The following MED13 variants were observed in gnomAD, a reference collection of about 807,000 sequenced individuals.
MED13 encodes the protein mediator of RNA polymerase II transcription subunit 13.
MED13 carries 23 observed loss-of-function variants against 225.2 expected under a neutral mutation model. That is an observed-to-expected ratio of 0.10 (90% CI 0.07 to 0.14). The LOEUF (loss-of-function observed/expected upper bound fraction) is 0.14. MED13 is among the 10% of genes least tolerant of loss of function. The pLI is 1.00. For synonymous variants in MED13, 942 were observed against 889.2 expected (o/e 1.06, Z -1.06); for missense variants, 2,197 against 2,594.5 (o/e 0.85, Z 3.33).
intron 3 of MED13, among the ~76,000 whole-genome samples, chr17:62,041,706 T>C (rs1246101682): frequency 6.6e-6 from 1 of 152,100 alleles, no homozygotes; most frequent in African/African-American, 2.4e-5. Context: ...CCAACGAAGT[T>C]AGGTGGGACT....
chr17:62,021,338 C>A (rs2080643103), intron 8 of MED13, among the ~76,000 whole-genome samples: 2 of 145,628 alleles, frequency 1.4e-5, no homozygotes, highest in Admixed American at 6.9e-5. Flanking sequence ...CACCTCCCTC[C>A]CGGACAGGGT....
At chr17:62,036,080 G>A (rs1383364664) in intron 3 of MED13, among the ~76,000 whole-genome samples, 1 of 148,168 alleles carries the variant, frequency 6.7e-6, no homozygotes, top group East Asian at 2.0e-4. Flanking sequence ...GTGGGCCACT[G>A]TACCCAGCTC....
rs567765846 is a variant in MED13, at chr17:61,944,205, A to G, written c.*2263T>C. 1 of 152,710 alleles carries G rather than the reference A, an allele frequency of 6.5e-6. No homozygotes were observed. The highest frequency in any genetic ancestry group is 2.4e-5 in the African/African-American group (1 of 41,574). The allele number at this position is 152,710 out of a possible 1,614,324, so 9.5% of individuals were successfully genotyped here. ...TCCATATTAAATAACCTGTCAGGGA[A>G]TAATTTTAAATCTACTTTCAAATTG... On this transcript the variant is annotated 3_prime_UTR_variant, in exon 30 of 30. Coordinates refer to ENST00000397786, the MANE Select transcript of MED13 (RefSeq NM_005121.3).
chr17:61,998,925 C>CTTT (rs10617153), intron 9 of MED13, among the ~76,000 whole-genome samples: 1 of 103,862 alleles, frequency 9.6e-6, no homozygotes, highest in African/African-American at 3.7e-5. Context: ...TTAAATGGTA[C>CTTT]TTTTTTTTTT....
chr17:61,953,254 A>G (rs1413849243), intron 26 of MED13, 141 bp from the exon 27 acceptor site: 2 of 816,548 alleles, frequency 2.4e-6, no homozygotes, highest in East Asian at 5.5e-5. Flanking sequence ...CCATGTGCCA[A>G]GTATTGTGCT....
chr17:62,052,500 C>T (rs1323818610), intron 3 of MED13, 37 bp downstream of exon 3: 4 of 1,459,092 alleles, frequency 2.7e-6, no homozygotes, highest in Non-Finnish European at 3.7e-6. Flanking sequence ...AGGAACAAAT[C>T]TAAAGAAATA....
At chr17:61,963,472 A>G (rs1426487779) in intron 20 of MED13, among the ~76,000 whole-genome samples, 1 of 152,000 alleles carries the variant, frequency 6.6e-6, no homozygotes, top group African/African-American at 2.4e-5. Flanking sequence ...ATATGTGTAT[A>G]TATATATCTT....
rs60624850 is a variant in MED13, at chr17:62,009,837, G to A, written c.1967+713C>T. On this transcript the variant is annotated intron_variant, in intron 9 of 29. Coordinates refer to ENST00000397786, the MANE Select transcript of MED13 (RefSeq NM_005121.3). ...AACATATCCATCTTTAAGAGTTTAG[G>A]TATTTACTATATATTCATAAGGAAA... Among the ~76,000 whole-genome samples, 970 of 152,234 alleles carry A rather than the reference G, an allele frequency of 6.4e-3. 10 individuals carry two copies. The highest frequency in any genetic ancestry group is 0.022 in the African/African-American group (916 of 41,516).
At chr17:61,964,503 T>A (rs2143365061) in intron 20 of MED13, among the ~76,000 whole-genome samples, 1 of 152,166 alleles carries the variant, frequency 6.6e-6, no homozygotes, top group South Asian at 2.1e-4. Flanking sequence ...AGGTCGAGGC[T>A]GCAGTGAGCC....
At chr17:61,975,190 C>T (rs1046798996) in intron 16 of MED13, among the ~76,000 whole-genome samples, 3 of 150,986 alleles carry the variant, frequency 2.0e-5, no homozygotes, top group Admixed American at 2.0e-4. Context: ...AAAATATATG[C>T]AAATCACACA....
chr17:61,982,476 C>T lies in MED13; in HGVS notation c.3527G>A (p.Gly1176Glu), dbSNP rs2080213406. 1.9e-6 allele frequency: 3 copies of T among 1,614,092 alleles called. No individual in the cohort carries two copies. The highest frequency in any genetic ancestry group is 4.5e-5 in the East Asian group (2 of 44,902). The change falls in exon 16 of 30, where the codon GGA (glycine) becomes GAA (glutamate). Residue 1176 changes from glycine to glutamate, a missense_variant. Coordinates refer to ENST00000397786, the MANE Select transcript of MED13 (RefSeq NM_005121.3). ...TAATTTTTCAGATTCCTTTAGTCCT[C>T]CATTAACATGTTCAGCAGAGGTAGC... ...LRATSAEHVN[G>E]GLKESEKLSD...
chr17:61,982,939 G>A lies in MED13; in HGVS notation c.3064C>T (p.Arg1022Cys). Residue 1022 changes from arginine to cysteine, a missense_variant, in exon 16 of 30, where the codon CGT becomes TGT. By Grantham distance (180) the Arg-to-Cys change is radical. This residue lies in a region of MED13 where 99 missense variants were observed against 158.5 expected (regional missense o/e 0.62). Transcript: ENST00000397786. ...GCACTAGCAGGTCCACCAGCTCCAC[G>A]AGGAGTCCGAGGAGTCCTTGGAGTC... ...PRTPRTPRTP[R>C]GAGGPASAQG... is the part of the protein sequence containing the mutation. The A allele has an allele frequency of 1.9e-6, 3 of 1,614,062 alleles. No individual in the cohort carries two copies. Among genetic ancestry groups the A allele is most frequent in the Non-Finnish European group, 1.7e-6 (2 of 1,179,992 alleles).
intron 2 of MED13, among the ~76,000 whole-genome samples, chr17:62,062,710 C>G (rs1297227441): frequency 6.6e-6 from 1 of 152,016 alleles, no homozygotes; most frequent in Non-Finnish European, 1.5e-5. Context: ...TGAAGTGACT[C>G]AAAAGTTACA....
intron 8 of MED13, among the ~76,000 whole-genome samples, chr17:62,015,946 A>ATT (rs1567979895): frequency 0.038 from 522 of 13,588 alleles, 35 homozygotes; most frequent in Non-Finnish European, 0.057. Flanking sequence ...ATATATATAT[A>ATT]TATATATATT....
chr17:61,958,313 G>A (rs1262717829), intron 23 of MED13, among the ~76,000 whole-genome samples: 7 of 152,030 alleles, frequency 4.6e-5, no homozygotes, highest in South Asian at 2.1e-4. Flanking sequence ...GACTACAGGC[G>A]CGTGCGACCA....
Position 62,048,463 on chromosome 17 carries a change from A to G in MED13, c.470+4074T>C, listed in dbSNP as rs190260776. ...GCAGAAGGAATGAAAGTTCAAAGAT[A>G]TTAGAGCCTCTCCACTTTCTTCCAG... is the stretch of plus-strand genomic sequence containing the variant. On this transcript the variant is annotated intron_variant, in intron 3 of 29. Transcript: ENST00000397786. Among the ~76,000 whole-genome samples, 3 of 151,856 alleles carry G rather than the reference A, an allele frequency of 2.0e-5. No homozygotes were observed. In the East Asian group the frequency reaches 5.8e-4, roughly 29 times the overall value.
intron 5 of MED13, 152 bp downstream of exon 5, chr17:62,033,635 G>T: frequency 1.4e-6 from 1 of 700,410 alleles, no homozygotes; most frequent in South Asian, 1.9e-5. Context: ...CAGCTAAGAT[G>T]CAGCCCTTAA....
intron 9 of MED13, among the ~76,000 whole-genome samples, chr17:61,999,516 GA>G (rs1279615704): frequency 6.6e-6 from 1 of 152,022 alleles, no homozygotes; most frequent in Non-Finnish European, 1.5e-5. Flanking sequence ...AAAAGAATTA[GA>G]AAAAAAGATA....
At chr17:62,021,356 C>T (rs28610444) in intron 8 of MED13, among the ~76,000 whole-genome samples, 42,765 of 127,948 alleles carry the variant, frequency 0.33, 10,111 homozygotes, top group East Asian at 0.7. Context: ...GGTGGCTGGC[C>T]GGGCGGGGGG....
Sources: allele counts gnomAD v4.1 joint callset (sites outside exome capture counted in the v4.1 genomes callset), GRCh38; gene constraint gnomAD v4.1.1; regional missense constraint gnomAD v4.1.1; transcripts MANE v1.5; gene names NCBI Gene and HGNC (gene_info 2026-07-23, HGNC 2026-07-21).